The following PCDH9 variants were observed in gnomAD, a reference collection of about 807,000 sequenced individuals.
PCDH9 encodes the protein protocadherin 9.
Under a neutral mutation model 70.6 loss-of-function variants are expected in PCDH9, and 24 were observed. The ratio of observed to expected loss-of-function variants is 0.34; its 90% CI spans 0.25 to 0.48. PCDH9 has a LOEUF of 0.48. PCDH9 is among the 20% of genes least tolerant of loss of function. The probability of loss-of-function intolerance (pLI) is 0.99; values close to 1 mark genes in which losing one functional copy is unlikely to be tolerated. For synonymous variants in PCDH9, 562 were observed against 558.5 expected (o/e 1.01, Z -0.09); for missense variants, 1,281 against 1,503.6 (o/e 0.85, Z 2.45).
intron 2 of PCDH9, among the ~76,000 whole-genome samples, chr13:67,034,699 C>T (rs1209199462): frequency 6.7e-6 from 1 of 149,396 alleles, no homozygotes; most frequent in Non-Finnish European, 1.5e-5. Context: ...CTTTTAGTTC[C>T]AGGGGTATAT....
chr13:66,844,856 GA>G (rs1458412348), intron 3 of PCDH9, among the ~76,000 whole-genome samples: 1 of 151,996 alleles, frequency 6.6e-6, no homozygotes, highest in Non-Finnish European at 1.5e-5. Flanking sequence ...CTAGGGCAAA[GA>G]AAATAAAATG....
rs374002566 is a variant in PCDH9 at position 66,719,850 on chromosome 13, A to G, written c.3139-88439T>C. 7.9e-5 allele frequency among the ~76,000 whole-genome samples: 12 copies of G among 152,322 alleles called. No individual in the cohort carries two copies. In the East Asian group the frequency reaches 1.9e-3, roughly 24 times the overall value. ...AATCCAAGTCATTTTATAAGTATCC[A>G]TAGTGAAGTTGTTCAGTCAGGAATA... is the stretch of plus-strand genomic sequence containing the variant. On this transcript the variant is annotated intron_variant, in intron 3 of 4. Transcript: ENST00000377865.
At chr13:67,068,651 A>C (rs1239220026) in intron 2 of PCDH9, among the ~76,000 whole-genome samples, 2 of 152,174 alleles carry the variant, frequency 1.3e-5, no homozygotes, top group Non-Finnish European at 2.9e-5. Context: ...CCCAAACCTC[A>C]AACTCATTTC....
At chr13:66,744,689 A>G (rs2079331229) in intron 3 of PCDH9, among the ~76,000 whole-genome samples, 1 of 152,156 alleles carries the variant, frequency 6.6e-6, no homozygotes, top group African/African-American at 2.4e-5. Context: ...AAACACAAGA[A>G]AGAAATTCAG....
In PCDH9 at chr13:66,626,731, C is replaced by T. The variant is rs1220532909; in HGVS notation, c.3340+4479G>A. On this transcript the variant is annotated intron_variant, in intron 4 of 4. Transcript: ENST00000377865. ...GTCATACCTTATGTAGTAGAGACTG[C>T]TTTAGATTTACATAAACATTATTTA... is the stretch of plus-strand genomic sequence containing the variant. Among the ~76,000 whole-genome samples the T allele has an allele frequency of 5.9e-5, 5 of 84,862 alleles. No individual in the cohort carries two copies. In the Admixed American group the frequency reaches 8.5e-4, roughly 14 times the overall value. 55.7% of individuals were successfully genotyped at this position (84,862 alleles called of 152,430 possible).
rs182158740 is a variant in PCDH9 at position 66,641,269 on chromosome 13, T to C, written c.3139-9858A>G. Among the ~76,000 whole-genome samples the C allele has an allele frequency of 1.6e-3, 233 of 148,642 alleles. 2 individuals are homozygous for C. Among genetic ancestry groups the C allele is most frequent in the Non-Finnish European group, 2.9e-3 (194 of 67,986 alleles). On this transcript the variant is annotated intron_variant, in intron 3 of 4. Transcript: ENST00000377865. The stretch of plus-strand genomic sequence containing the variant: ...AATGTCAATGGGAATGATGTACCCC[T>C]GTAGCACAGCTTTCTAGTCTATGAT...
chr13:66,382,807 G>C (rs974257271), intron 4 of PCDH9, among the ~76,000 whole-genome samples: 28 of 152,140 alleles, frequency 1.8e-4, no homozygotes, highest in Admixed American at 3.9e-4. Context: ...GAGGCAGGTG[G>C]ATCACTTGAG....
Position 67,225,612 on chromosome 13 carries a change from A to G in PCDH9, c.2829T>C (p.Ser943=). ...PDLAKHYKSA[S]PQPAFHLKPD... ...GTTTGAGATGAAAAGCAGGCTGTGG[A>G]GAAGCAGATTTGTAGTGCTTGGCCA... The change falls in exon 2 of 5, where the codon TCT becomes TCC. Residue 943 remains serine, a synonymous_variant. Coordinates refer to ENST00000377865, the MANE Select transcript of PCDH9 (RefSeq NM_203487.3). 6.2e-7 allele frequency: 1 copy of G among 1,614,112 alleles called. No individual in the cohort carries two copies. The highest frequency in any genetic ancestry group is 1.3e-5 in the African/African-American group (1 of 75,030).
At chr13:66,507,145 T>C (rs1239354033) in intron 4 of PCDH9, among the ~76,000 whole-genome samples, 1 of 152,180 alleles carries the variant, frequency 6.6e-6, no homozygotes, top group Non-Finnish European at 1.5e-5. Flanking sequence ...TGTAATATTA[T>C]TCTCTGTTGA....
intron 3 of PCDH9, among the ~76,000 whole-genome samples, chr13:66,648,918 A>C (rs914003699): frequency 3.6e-4 from 55 of 152,254 alleles, no homozygotes; most frequent in African/African-American, 1.3e-3. Context: ...TGCAATTGAC[A>C]TACTAAACAA....
intron 4 of PCDH9, among the ~76,000 whole-genome samples, chr13:66,429,720 A>AAGAAG (rs1566318891): frequency 6.6e-6 from 1 of 151,550 alleles, no homozygotes; most frequent in Admixed American, 6.6e-5. Context: ...AGAAGAAGAA[A>AAGAAG]AAAATAACTT....
chr13:67,066,481 G>T (rs1192862010), intron 2 of PCDH9, among the ~76,000 whole-genome samples: 2 of 152,104 alleles, frequency 1.3e-5, no homozygotes, highest in Admixed American at 6.5e-5. Context: ...TGATTTGCCC[G>T]CCTCAGCCTC....
At chr13:66,972,310 GAATA>G (rs1483233652) in intron 2 of PCDH9, among the ~76,000 whole-genome samples, 12 of 151,840 alleles carry the variant, frequency 7.9e-5, no homozygotes, top group Admixed American at 3.3e-4. Flanking sequence ...AAATATACAA[GAATA>G]ATTACAGACA....
At chr13:66,610,408 T>C (rs999463752) in intron 4 of PCDH9, among the ~76,000 whole-genome samples, 2 of 152,210 alleles carry the variant, frequency 1.3e-5, no homozygotes, top group South Asian at 4.1e-4. Context: ...GATCATAAAA[T>C]ACCTTCATAC....
chr13:67,088,205 G>A, intron 2 of PCDH9, among the ~76,000 whole-genome samples: 1 of 151,734 alleles, frequency 6.6e-6, no homozygotes, highest in Non-Finnish European at 1.5e-5. Context: ...TGAGGTCGTG[G>A]TGTGGTTTAA....
At chr13:66,510,925 G>A (rs1411070118) in intron 4 of PCDH9, among the ~76,000 whole-genome samples, 1 of 152,094 alleles carries the variant, frequency 6.6e-6, no homozygotes, top group East Asian at 1.9e-4. Context: ...ATTTTTCACT[G>A]AAATGCTGTT....
Position 66,740,635 on chromosome 13 carries a change from A to G in PCDH9, c.3139-109224T>C, listed in dbSNP as rs1380561453. Among the ~76,000 whole-genome samples the G allele has an allele frequency of 2.5e-4, 38 of 150,118 alleles. No individual in the cohort carries two copies. The East Asian group carries it at 5.7e-3, about 23-fold the overall frequency. The stretch of plus-strand genomic sequence containing the variant: ...AAAAAGAGAGAAGAATCAAATAGAC[A>G]CAATAAAAAATGATAAAGGGGATAT... On this transcript the variant is annotated intron_variant, in intron 3 of 4. Coordinates refer to ENST00000377865, the MANE Select transcript of PCDH9 (RefSeq NM_203487.3).
intron 4 of PCDH9, among the ~76,000 whole-genome samples, chr13:66,564,912 A>G (rs2076630986): frequency 6.6e-6 from 1 of 151,998 alleles, no homozygotes; most frequent in Admixed American, 6.6e-5. Context: ...TTTGTCCATA[A>G]ATCAATGGAA....
chr13:66,552,896 A>G (rs547053212), intron 4 of PCDH9, among the ~76,000 whole-genome samples: 4 of 152,234 alleles, frequency 2.6e-5, no homozygotes, highest in East Asian at 3.9e-4. Flanking sequence ...GAAATTTACA[A>G]TCATGGCAGA....
Sources: gnomAD v4.1 joint callset for allele counts (sites outside exome capture counted in the v4.1 genomes callset) on GRCh38, gnomAD v4.1.1 for gene constraint, MANE v1.5 for transcripts, NCBI Gene and HGNC (gene_info 2026-07-23, HGNC 2026-07-21) for gene names.